The following MON2 variants were observed in gnomAD, a reference collection of about 807,000 sequenced individuals.
MON2 encodes MON2 regulator of endosome-to-Golgi trafficking.
MON2 carries 84 observed loss-of-function variants against 208.6 expected under a neutral mutation model. That is an observed-to-expected ratio of 0.40 (90% CI 0.34 to 0.48). The LOEUF (loss-of-function observed/expected upper bound fraction) is 0.48, where lower values mean the gene tolerates loss of function less well. Among genes scored for constraint, MON2 ranks in the 20% least tolerant of loss-of-function variants. The pLI is 0.59. For synonymous variants in MON2, 660 were observed against 694.0 expected, an observed-to-expected ratio of 0.95 and a Z score of 0.77; for missense variants, 1,611 against 2,015.4, an observed-to-expected ratio of 0.80 and a Z score of 3.84.
intron 8 of MON2, among the ~76,000 whole-genome samples, chr12:62,515,109 C>T (rs1469793237): frequency 6.6e-6 from 1 of 152,144 alleles, no homozygotes; most frequent in African/African-American, 2.4e-5. Flanking sequence ...ATAGAATTAC[C>T]ATATGACCCA....
At chr12:62,553,587 A>G (rs1225584477) in intron 24 of MON2, among the ~76,000 whole-genome samples, 1 of 152,230 alleles carries the variant, frequency 6.6e-6, no homozygotes, top group Non-Finnish European at 1.5e-5. Flanking sequence ...AATATAATCA[A>G]AAGAGAATTT....
At chr12:62,491,368 T>C (rs1380880934) in intron 2 of MON2, among the ~76,000 whole-genome samples, 1 of 152,158 alleles carries the variant, frequency 6.6e-6, no homozygotes, top group African/African-American at 2.4e-5. Context: ...TTAGAAAGCA[T>C]TGTGTCGTAG....
At chr12:62,479,444 C>T (rs1392126145) in intron 1 of MON2, among the ~76,000 whole-genome samples, 1 of 112,708 alleles carries the variant, frequency 8.9e-6, no homozygotes, top group Admixed American at 8.7e-5. Context: ...CCCCCCCCCC[C>T]CAAATATTTT....
chr12:62,514,858 A>G (rs1406301924), intron 8 of MON2, among the ~76,000 whole-genome samples: 3 of 152,254 alleles, frequency 2.0e-5, no homozygotes, highest in East Asian at 1.9e-4. Context: ...AGATATACCA[A>G]TGTCCAACAA....
intron 30 of MON2, among the ~76,000 whole-genome samples, chr12:62,574,672 A>G (rs2136425239): frequency 6.6e-6 from 1 of 152,208 alleles, no homozygotes; most frequent in Non-Finnish European, 1.5e-5. Flanking sequence ...ATTCTAAGTT[A>G]TGGTTATTCT....
At chr12:62,508,981 T>C (rs549551506) in intron 8 of MON2, 1 of 152,904 alleles carries the variant, frequency 6.5e-6, no homozygotes, top group African/African-American at 2.4e-5. Context: ...ATGATAATTC[T>C]ATTTATGTAA....
At chr12:62,528,616 T>C (rs2072459900) in intron 11 of MON2, among the ~76,000 whole-genome samples, 1 of 152,216 alleles carries the variant, frequency 6.6e-6, no homozygotes, top group Non-Finnish European at 1.5e-5. Context: ...TTAACTATTC[T>C]AGTGCTTAAA....
chr12:62,527,349 T>C (rs1478766611), intron 11 of MON2, among the ~76,000 whole-genome samples: 1 of 152,160 alleles, frequency 6.6e-6, no homozygotes, highest in African/African-American at 2.4e-5. Context: ...CCTAGGTATA[T>C]TTTACCTTAC....
chr12:62,588,469 G>A (rs1032126577), intron 34 of MON2, among the ~76,000 whole-genome samples: 1 of 151,704 alleles, frequency 6.6e-6, no homozygotes, highest in Non-Finnish European at 1.5e-5. Context: ...ACTTATTTGG[G>A]GACAGGTGGA....
rs547690383 is a variant in MON2 at position 62,493,827 on chromosome 12, T to C, written c.176-88T>C. 1,229 of 981,424 alleles carry C rather than the reference T, an allele frequency of 1.3e-3. 1 individual carries two copies. The highest frequency in any genetic ancestry group is 1.5e-3 in the Non-Finnish European group (1,077 of 709,508). 60.8% of individuals were successfully genotyped at this position (981,424 alleles called of 1,614,324 possible). A position where few individuals can be genotyped will look rare whatever the true frequency, so the allele number is the denominator to read the frequency against. On this transcript the variant is annotated intron_variant, in intron 2 of 34. Transcript: ENST00000393630. ...TACGTAAAGTGGATTTTTTTTGAGA[T>C]CGCTATTACTGGTTGTAATTATATA...
intron 34 of MON2, among the ~76,000 whole-genome samples, chr12:62,591,398 A>C (rs577962282): frequency 2.6e-5 from 4 of 152,358 alleles, no homozygotes; most frequent in South Asian, 2.1e-4. Context: ...TTAACAGTAT[A>C]GCATTTTTCC....
At chr12:62,484,368 A>C in intron 2 of MON2, 135 bp downstream of exon 2, 1 of 595,818 alleles carries the variant, frequency 1.7e-6, no homozygotes. Context: ...TCATAATGAA[A>C]CAGAATGGGC....
At chr12:62,550,909 C>CTTTTTTTTT (rs869160726) in intron 23 of MON2, among the ~76,000 whole-genome samples, 48 of 43,812 alleles carry the variant, frequency 1.1e-3, no homozygotes, top group Non-Finnish European at 1.6e-3. Context: ...TTCTTTCTTT[C>CTTTTTTTTT]TTTTTTTTTT....
At chr12:62,486,900 A>G (rs1158022701) in intron 2 of MON2, among the ~76,000 whole-genome samples, 1 of 152,100 alleles carries the variant, frequency 6.6e-6, no homozygotes, top group Non-Finnish European at 1.5e-5. Context: ...AAGAATGATA[A>G]CTTTTAATTT....
At chr12:62,573,236 C>G (rs989153893) in intron 30 of MON2, among the ~76,000 whole-genome samples, 3 of 152,096 alleles carry the variant, frequency 2.0e-5, no homozygotes, top group African/African-American at 7.2e-5. Context: ...TTTAAAATAA[C>G]TCTGAAAATT....
In MON2 at chr12:62,529,126, G is replaced by A. The variant is rs75344320; in HGVS notation, c.1400+3024G>A. Among the ~76,000 whole-genome samples, 1,513 of 152,192 alleles carry A rather than the reference G, an allele frequency of 9.9e-3. 27 individuals are homozygous for A. Among genetic ancestry groups the A allele is most frequent in the African/African-American group, 0.034 (1,418 of 41,514 alleles). On this transcript the variant is annotated intron_variant, in intron 11 of 34. Transcript: ENST00000393630. ...GCAGTATTTGGTTTTCTGTTCCGGC[G>A]TTAGTTTGCTAATAGCCTCCAGCTC...
chr12:62,577,392 A>G lies in MON2; in HGVS notation c.4515-1053A>G, dbSNP rs2074834015. Among the ~76,000 whole-genome samples, 4 of 152,124 alleles carry G rather than the reference A, an allele frequency of 2.6e-5. No homozygotes were observed. In the South Asian group the frequency reaches 8.3e-4, roughly 31 times the overall value. The stretch of plus-strand genomic sequence containing the variant: ...TAATACCTGATGCAAAGTAGTTGGT[A>G]CTCAGTAGATATTTGTTGAATGAAA... On this transcript the variant is annotated intron_variant, in intron 30 of 34. Coordinates refer to ENST00000393630, the MANE Select transcript of MON2 (RefSeq NM_015026.3).
Position 62,478,121 on chromosome 12 carries a change from TTG to T in MON2, c.112-6025_112-6024del, listed in dbSNP as rs59861392. Among the ~76,000 whole-genome samples, 790 of 149,692 alleles carry T rather than the reference TTG, an allele frequency of 5.3e-3. 9 individuals carry two copies. The highest frequency in any genetic ancestry group is 0.017 in the African/African-American group (703 of 40,736). ...TAGAATTGGCACTTGTAGATATAATTTGTGTGTGTGTGTGTGTGTGTGTGTAT... is the reference window on the plus strand; with the variant it reads ...TAGAATTGGCACTTGTAGATATAATTTGTGTGTGTGTGTGTGTGTGTGTAT... On this transcript the variant is annotated intron_variant, in intron 1 of 34. Coordinates refer to ENST00000393630, the MANE Select transcript of MON2 (RefSeq NM_015026.3).
chr12:62,561,205 C>A, intron 26 of MON2, 92 bp downstream of exon 26: 1 of 1,076,716 alleles, frequency 9.3e-7, no homozygotes, highest in Non-Finnish European at 1.3e-6. Flanking sequence ...AATTTTAGAT[C>A]ATCAAGATTG....
Sources: gnomAD v4.1 joint callset for allele counts (sites outside exome capture counted in the v4.1 genomes callset) on GRCh38, gnomAD v4.1.1 for gene constraint, MANE v1.5 for transcripts, NCBI Gene and HGNC (gene_info 2026-07-23, HGNC 2026-07-21) for gene names.